The following PPIG variants were observed in gnomAD, a reference collection of about 807,000 sequenced individuals.
The protein encoded by PPIG is peptidyl-prolyl cis-trans isomerase G.
Under a neutral mutation model 87.9 loss-of-function variants are expected in PPIG, and 26 were observed. The observed-to-expected ratio is 0.30, with a 90% CI of 0.22 to 0.41. PPIG has a LOEUF of 0.41. Ranked by LOEUF, PPIG falls within the 10% of genes least tolerant of loss-of-function variation. The pLI is 1.00. For missense variants in PPIG, 722 were observed against 879.4 expected (o/e 0.82, Z 2.26); for synonymous variants, 308 against 276.5 (o/e 1.11, Z -1.13).
intron 5 of PPIG, among the ~76,000 whole-genome samples, chr2:169,606,457 TG>T (rs1365201926): frequency 6.6e-6 from 1 of 152,002 alleles, no homozygotes; most frequent in Non-Finnish European, 1.5e-5. Context: ...CTGGGCATGA[TG>T]GCACGTGGCT....
At chr2:169,604,162 T>A (rs1048987966) in intron 3 of PPIG, 25 bp from the exon 4 acceptor site, 1 of 1,610,162 alleles carries the variant, frequency 6.2e-7, no homozygotes, top group South Asian at 1.1e-5. Flanking sequence ...AGTAAAGAAG[T>A]TTAACCAACT....
In PPIG at chr2:169,620,476, GTT is replaced by G. The variant is rs1241487756; in HGVS notation, c.547+5756_547+5757del. Among the ~76,000 whole-genome samples, 9 of 151,678 alleles carry G rather than the reference GTT, an allele frequency of 5.9e-5. No homozygotes were observed. In the South Asian group the frequency reaches 1.7e-3, roughly 28 times the overall value. ...TAATTTGCCCTTTTGCTTCCACTGAGTTTTTGTTGTTGTTGTTTTTTGTTTGT... is the reference window on the plus strand; with the variant it reads ...TAATTTGCCCTTTTGCTTCCACTGAGTTTGTTGTTGTTGTTTTTTGTTTGT... On this transcript the variant is annotated intron_variant, in intron 9 of 13. Coordinates refer to ENST00000260970, the MANE Select transcript of PPIG (RefSeq NM_004792.3).
At chr2:169,627,744 G>A (rs1361265662) in intron 9 of PPIG, among the ~76,000 whole-genome samples, 1 of 139,490 alleles carries the variant, frequency 7.2e-6, no homozygotes, top group Non-Finnish European at 1.5e-5. Context: ...ACACTAAATG[G>A]GCTTGCTTTT....
At position 169,636,109 on chromosome 2, in the gene PPIG, C is replaced by G; in HGVS notation, c.1035C>G (p.Ser345=). The G allele has an allele frequency of 6.2e-7, 1 of 1,602,378 alleles. No individual in the cohort carries two copies. Among genetic ancestry groups the G allele is most frequent in the African/African-American group, 1.3e-5 (1 of 74,314 alleles). The change falls in exon 13 of 14, where the codon TCC becomes TCG. Residue 345 remains serine (S), a synonymous_variant. Coordinates refer to ENST00000260970, the MANE Select transcript of PPIG (RefSeq NM_004792.3). ...GRGPRRYRTP[S]RSRSRDRFRR... is the part of the protein sequence containing the mutation. Reference sequence around the variant, plus strand: ...TTCTTTAGCGTTATCGAACTCCTTCCAGATCCAGATCAAGGGATCGTTTCA... The same window carrying G: ...TTCTTTAGCGTTATCGAACTCCTTCGAGATCCAGATCAAGGGATCGTTTCA...
intron 9 of PPIG, among the ~76,000 whole-genome samples, chr2:169,627,940 TG>T (rs1173093964): frequency 6.6e-6 from 1 of 152,146 alleles, no homozygotes; most frequent in Non-Finnish European, 1.5e-5. Flanking sequence ...TTTATTTCAT[TG>T]TGAATTTATT....
At chr2:169,592,002 C>T (rs1442529059) in intron 1 of PPIG, among the ~76,000 whole-genome samples, 1 of 137,908 alleles carries the variant, frequency 7.3e-6, no homozygotes, top group Non-Finnish European at 1.5e-5. Context: ...TGACTGCTCG[C>T]TGCAACCTCA....
At chr2:169,605,934 A>AT (rs1203720154) in intron 4 of PPIG, 105 bp from the exon 5 acceptor site, 1 of 724,880 alleles carries the variant, frequency 1.4e-6, no homozygotes, top group Non-Finnish European at 2.3e-6. Flanking sequence ...TGAAAATATG[A>AT]TTTTAAGTCT....
chr2:169,630,547 A>C (rs1488176253), intron 9 of PPIG, among the ~76,000 whole-genome samples: 1 of 152,108 alleles, frequency 6.6e-6, no homozygotes, highest in East Asian at 1.9e-4. Context: ...AGACTCACCT[A>C]TTTTTTAAAG....
chr2:169,601,332 C>T (rs1423105584), intron 1 of PPIG, among the ~76,000 whole-genome samples: 1 of 152,078 alleles, frequency 6.6e-6, no homozygotes, highest in African/African-American at 2.4e-5. Context: ...TTGTCATATG[C>T]CAAGCACTGT....
At chr2:169,616,435 A>G (rs1376135714) in intron 9 of PPIG, among the ~76,000 whole-genome samples, 1 of 152,136 alleles carries the variant, frequency 6.6e-6, no homozygotes, top group Non-Finnish European at 1.5e-5. Flanking sequence ...TGTCTTCTAC[A>G]ATGGTTGAAC....
intron 9 of PPIG, among the ~76,000 whole-genome samples, 188 bp downstream of exon 9, chr2:169,614,912 A>G (rs1019871775): frequency 6.6e-6 from 1 of 152,204 alleles, no homozygotes; most frequent in Non-Finnish European, 1.5e-5. Context: ...TACTGTGAAC[A>G]ATATGATGTT....
intron 7 of PPIG, among the ~76,000 whole-genome samples, chr2:169,612,539 A>T (rs1473545001): frequency 1.3e-5 from 2 of 151,864 alleles, no homozygotes; most frequent in African/African-American, 4.8e-5. Context: ...GCCTGTCACC[A>T]CGCCTGGCTA....
At chr2:169,589,698 G>A (rs1448333914) in intron 1 of PPIG, among the ~76,000 whole-genome samples, 2 of 152,126 alleles carry the variant, frequency 1.3e-5, no homozygotes, top group African/African-American at 4.8e-5. Context: ...ACACTTCCTA[G>A]TAGATCTAGG....
chr2:169,600,961 A>G (rs1287119329), intron 1 of PPIG, among the ~76,000 whole-genome samples: 6 of 152,170 alleles, frequency 3.9e-5, no homozygotes, highest in Non-Finnish European at 8.8e-5. Flanking sequence ...AAGGCCCCCA[A>G]TGACTTCCAT....
chr2:169,638,767 GT>G lies in PPIG; in HGVS notation c.*1248del, dbSNP rs1233420790. 1 of 151,946 alleles carries G rather than the reference GT, an allele frequency of 6.6e-6. No individual in the cohort carries two copies. Among genetic ancestry groups the G allele is most frequent in the African/African-American group, 2.4e-5 (1 of 41,406 alleles). 9.4% of individuals were successfully genotyped at this position (151,946 alleles called of 1,614,324 possible). On this transcript the variant is annotated 3_prime_UTR_variant, in exon 14 of 14. Transcript: ENST00000260970. ...TAAACATATCCAAAGTCCATTTAGAGTTTTGGGTGTTGTATTTTGCCATTTT... is the reference window on the plus strand; with the variant it reads ...TAAACATATCCAAAGTCCATTTAGAGTTTGGGTGTTGTATTTTGCCATTTT...
chr2:169,602,114 A>G (rs970584412), intron 1 of PPIG, among the ~76,000 whole-genome samples: 5 of 152,208 alleles, frequency 3.3e-5, no homozygotes, highest in Admixed American at 6.5e-5. Flanking sequence ...AAAATTACAC[A>G]TACAATTCAG....
In PPIG at chr2:169,636,555, A is replaced by G; in HGVS notation, c.1297A>G (p.Ser433Gly). Reference sequence around the variant, plus strand: ...GAAAGTTAAAGACCATAAATCTAACAGCAAAGAGAGAGACATCAGAAGAAA... The same window carrying G: ...GAAAGTTAAAGACCATAAATCTAACGGCAAAGAGAGAGACATCAGAAGAAA... ...EKKVKDHKSN[S>G]KERDIRRNSE... The change falls in exon 14 of 14, where the codon AGC becomes GGC. Residue 433 changes from serine to glycine, a missense_variant. By Grantham distance (56) the Ser-to-Gly change is moderately conservative. Transcript: ENST00000260970. 1 of 1,607,936 alleles carries G rather than the reference A, an allele frequency of 6.2e-7. No individual in the cohort carries two copies.
Position 169,588,169 on chromosome 2 carries a change from A to C in PPIG, c.-70+3679A>C, listed in dbSNP as rs1159513152. On this transcript the variant is annotated intron_variant, in intron 1 of 13. Coordinates refer to ENST00000260970, the MANE Select transcript of PPIG (RefSeq NM_004792.3). ...AACGAGCGAAACTCCATCTCAAAAA[A>C]TTAAAAATAAAAATAAAAATATGAA... Among the ~76,000 whole-genome samples, 3 of 152,192 alleles carry C rather than the reference A, an allele frequency of 2.0e-5. No individual in the cohort carries two copies. The East Asian group carries it at 5.8e-4, about 29-fold the overall frequency.
chr2:169,614,686 G>A lies in PPIG; in HGVS notation c.509G>A (p.Arg170Gln), dbSNP rs770720679. 2 of 1,611,446 alleles carry A rather than the reference G, an allele frequency of 1.2e-6. No individual in the cohort carries two copies. Among genetic ancestry groups the A allele is most frequent in the Non-Finnish European group, 1.7e-6 (2 of 1,179,688 alleles). Residue 170 changes from arginine to glutamine, a missense_variant, in exon 9 of 14, where the codon CGG becomes CAG. This residue lies in a region of PPIG where 99 missense variants were observed against 215.8 expected (regional missense o/e 0.46). Transcript: ENST00000260970. ...GCTAGCAAACCGTTTGCGGAGGTAC[G>A]GATACTCAGTTGTGGAGAGCTGATT... The part of the protein sequence containing the change: ...DAASKPFAEV[R>Q]ILSCGELIPK...
Sources: gnomAD v4.1 joint callset for allele counts (sites outside exome capture counted in the v4.1 genomes callset) on GRCh38, gnomAD v4.1.1 for gene constraint, gnomAD v4.1.1 regional missense constraint, MANE v1.5 for transcripts, NCBI Gene and HGNC (gene_info 2026-07-23, HGNC 2026-07-21) for gene names.